The following BPTF variants were observed in gnomAD, a reference collection of about 807,000 sequenced individuals.
BPTF encodes the protein bromodomain PHD finger transcription factor.
BPTF carries 18 observed loss-of-function variants against 292.5 expected under a neutral mutation model. The ratio of observed to expected loss-of-function variants is 0.06; its 90% CI spans 0.04 to 0.09. BPTF has a LOEUF of 0.09. Among genes scored for constraint, BPTF ranks in the 10% least tolerant of loss-of-function variants. The pLI, the probability that BPTF is intolerant of heterozygous loss-of-function variation, is 1.00. For synonymous variants in BPTF, 1,225 were observed against 1,251.9 expected, an observed-to-expected ratio of 0.98 and a Z score of 0.45; for missense variants, 2,726 against 3,498.7, an observed-to-expected ratio of 0.78 and a Z score of 5.57.
chr17:67,899,020 T>C (rs536176688), intron 7 of BPTF, among the ~76,000 whole-genome samples: 3 of 152,218 alleles, frequency 2.0e-5, no homozygotes, highest in South Asian at 4.1e-4. Flanking sequence ...GACACAATTA[T>C]TATATGCAGT....
intron 7 of BPTF, among the ~76,000 whole-genome samples, chr17:67,896,027 G>A (rs1417568320): frequency 6.7e-6 from 1 of 149,558 alleles, no homozygotes; most frequent in Admixed American, 6.7e-5. Context: ...GCAGTGGCGT[G>A]ATCTCGGCTC....
At position 67,894,133 on chromosome 17, in the gene BPTF, A is replaced by C; in HGVS notation, c.2511A>C (p.Leu837=). The stretch of plus-strand genomic sequence containing the variant: ...GTGCAGTTAAACCAGTTGTGATGCT[A>C]CCAATATGGCGAGAATCTTTAGGAC... ...LECAVKPVVM[L]PIWRESLGHT... The change falls in exon 7 of 28, where the codon CTA becomes CTC. Residue 837 remains leucine, a synonymous_variant. Transcript: ENST00000306378. 1 of 1,614,134 alleles carries C rather than the reference A, an allele frequency of 6.2e-7. No homozygotes were observed.
chr17:67,932,412 A>G (rs2064478100), intron 18 of BPTF, among the ~76,000 whole-genome samples: 1 of 152,220 alleles, frequency 6.6e-6, no homozygotes, highest in Non-Finnish European at 1.5e-5. Context: ...TTAAAAGTTG[A>G]AGACTGGCCA....
chr17:67,882,383 A>G (rs2060479742), intron 4 of BPTF, among the ~76,000 whole-genome samples: 1 of 152,198 alleles, frequency 6.6e-6, no homozygotes, highest in Non-Finnish European at 1.5e-5. Context: ...GTTTACATTG[A>G]CATTTCAGAT....
chr17:67,872,188 A>G (rs1034795510), intron 3 of BPTF, among the ~76,000 whole-genome samples: 1 of 152,208 alleles, frequency 6.6e-6, no homozygotes, highest in African/African-American at 2.4e-5. Context: ...TAAAACTTGT[A>G]TGAATGTATA....
At chr17:67,863,683 C>T (rs1205534782) in intron 2 of BPTF, among the ~76,000 whole-genome samples, 2 of 152,300 alleles carry the variant, frequency 1.3e-5, no homozygotes, top group African/African-American at 4.8e-5. Context: ...TGATTTTTAT[C>T]TCAAGATCCT....
At chr17:67,964,753 C>T (rs2067855495) in intron 25 of BPTF, among the ~76,000 whole-genome samples, 1 of 152,094 alleles carries the variant, frequency 6.6e-6, no homozygotes, top group Non-Finnish European at 1.5e-5. Context: ...GTAATCCCAG[C>T]ACTTTGGGAG....
intron 1 of BPTF, among the ~76,000 whole-genome samples, chr17:67,836,954 A>T (rs958841529): frequency 4.6e-5 from 7 of 152,196 alleles, no homozygotes; most frequent in African/African-American, 1.4e-4. Context: ...TCCTCTGTAA[A>T]CTTGGAAGAT....
At chr17:67,954,451 G>A (rs1257641323) in intron 23 of BPTF, among the ~76,000 whole-genome samples, 1 of 152,102 alleles carries the variant, frequency 6.6e-6, no homozygotes, top group Non-Finnish European at 1.5e-5. Context: ...GTGGAGCCCA[G>A]TCAACCCTTA....
chr17:67,958,212 T>C (rs1468026883), intron 23 of BPTF, among the ~76,000 whole-genome samples: 1 of 151,140 alleles, frequency 6.6e-6, no homozygotes, highest in African/African-American at 2.4e-5. Flanking sequence ...CCTGTGGTCC[T>C]AGCTAGGTAC....
chr17:67,880,286 TC>T (rs1394266736), intron 4 of BPTF, among the ~76,000 whole-genome samples: 2 of 152,174 alleles, frequency 1.3e-5, no homozygotes, highest in African/African-American at 4.8e-5. Context: ...CAAATTAATT[TC>T]TGGTCTTAGT....
intron 21 of BPTF, 41 bp from the exon 22 acceptor site, chr17:67,947,685 G>A (rs1555676124): frequency 6.8e-7 from 1 of 1,479,140 alleles, no homozygotes; most frequent in African/African-American, 1.4e-5. Context: ...AACCTGTGGT[G>A]ATTATAAAAT....
At chr17:67,944,447 A>G in intron 20 of BPTF, 75 bp downstream of exon 20, 1 of 1,505,202 alleles carries the variant, frequency 6.6e-7, no homozygotes, top group Non-Finnish European at 9.1e-7. Context: ...CCAACAGGAG[A>G]ACCAGTATTT....
intron 1 of BPTF, among the ~76,000 whole-genome samples, chr17:67,827,410 C>A (rs1318103134): frequency 6.6e-6 from 1 of 152,096 alleles, no homozygotes; most frequent in Non-Finnish European, 1.5e-5. Flanking sequence ...TGGTGAAACA[C>A]CCCCGGCCCC....
At chr17:67,954,943 G>A (rs1338781069) in intron 23 of BPTF, among the ~76,000 whole-genome samples, 3 of 152,178 alleles carry the variant, frequency 2.0e-5, no homozygotes, top group African/African-American at 7.2e-5. Context: ...GACAGAAACA[G>A]ATTCATTAAA....
At chr17:67,949,956 G>A (rs560051406) in intron 23 of BPTF, among the ~76,000 whole-genome samples, 132 of 150,738 alleles carry the variant, frequency 8.8e-4, no homozygotes, top group African/African-American at 3.1e-3. Context: ...AGGAGTCTGA[G>A]GTGGGGAGAA....
At chr17:67,968,652 G>A (rs939468876) in intron 26 of BPTF, among the ~76,000 whole-genome samples, 4 of 151,112 alleles carry the variant, frequency 2.6e-5, no homozygotes, top group African/African-American at 4.9e-5. Flanking sequence ...GCCGGGTGTG[G>A]TGGCGGGCAC....
chr17:67,958,860 G>C (rs893144154), intron 23 of BPTF, among the ~76,000 whole-genome samples: 2 of 152,288 alleles, frequency 1.3e-5, no homozygotes, highest in Admixed American at 6.5e-5. Context: ...CCAGCTACTT[G>C]GGAGGCTGAG....
chr17:67,877,250 A>G (rs2060105751), intron 4 of BPTF, among the ~76,000 whole-genome samples: 1 of 152,208 alleles, frequency 6.6e-6, no homozygotes, highest in African/African-American at 2.4e-5. Context: ...GACGGACTTA[A>G]TAGAGTTCTG....
Sources: gnomAD v4.1 joint callset for allele counts (sites outside exome capture counted in the v4.1 genomes callset) on GRCh38, gnomAD v4.1.1 for gene constraint, MANE v1.5 for transcripts, NCBI Gene and HGNC (gene_info 2026-07-23, HGNC 2026-07-21) for gene names.